The following ARL8B variants were observed in gnomAD, a reference collection of about 807,000 sequenced individuals.
ARL8B encodes ARF like GTPase 8B, also known as ADP-ribosylation factor-like protein 8B.
In ARL8B, 9 loss-of-function variants were observed where a neutral mutation model predicts 30.6. The ratio of observed to expected loss-of-function variants is 0.29; its 90% CI spans 0.18 to 0.51. ARL8B has a LOEUF of 0.51. Ranked by LOEUF, ARL8B falls within the 20% of genes least tolerant of loss-of-function variation. The pLI is 0.97. For missense variants in ARL8B, 130 were observed against 227.2 expected (o/e 0.57, Z 2.75); for synonymous variants, 74 against 76.0 (o/e 0.97, Z 0.14).
chr3:5,147,917 G>A (rs2054443143), intron 1 of ARL8B, among the ~76,000 whole-genome samples: 1 of 149,750 alleles, frequency 6.7e-6, no homozygotes, highest in Admixed American at 6.7e-5. Flanking sequence ...AAGACATTTT[G>A]TGTCCTAGGA....
At chr3:5,129,441 T>C (rs1239173580) in intron 1 of ARL8B, among the ~76,000 whole-genome samples, 1 of 152,216 alleles carries the variant, frequency 6.6e-6, no homozygotes, top group Non-Finnish European at 1.5e-5. Flanking sequence ...AGTAGAACGG[T>C]ATTTTAAAAT....
At chr3:5,163,005 T>TTTTTTTTTA (rs2054595124) in intron 1 of ARL8B, among the ~76,000 whole-genome samples, 1 of 150,522 alleles carries the variant, frequency 6.6e-6, no homozygotes, top group African/African-American at 2.5e-5. Context: ...TTTTTTTTTT[T>TTTTTTTTTA]GAGACGGAGT....
intron 1 of ARL8B, among the ~76,000 whole-genome samples, chr3:5,167,589 A>T (rs1383588044): frequency 1.3e-5 from 2 of 152,192 alleles, no homozygotes; most frequent in East Asian, 1.9e-4. Flanking sequence ...AATTATCCAG[A>T]TCTTAAGAAC....
intron 1 of ARL8B, among the ~76,000 whole-genome samples, chr3:5,126,283 G>T (rs1465375751): frequency 1.3e-5 from 2 of 152,124 alleles, no homozygotes; most frequent in African/African-American, 4.8e-5. Flanking sequence ...TAAAAAATCA[G>T]CTGCACTTTT....
intron 4 of ARL8B, 134 bp from the exon 5 acceptor site, chr3:5,173,883 C>G (rs934129587): frequency 1.4e-6 from 1 of 734,220 alleles, no homozygotes; most frequent in Non-Finnish European, 2.4e-6. Flanking sequence ...GACAAGCCAC[C>G]AGTTACACAA....
intron 1 of ARL8B, among the ~76,000 whole-genome samples, chr3:5,125,560 TCCCGCTGTGTTG>T (rs2054223326): frequency 1.4e-5 from 2 of 143,276 alleles, no homozygotes; most frequent in Non-Finnish European, 1.5e-5. Flanking sequence ...TGAGACGGAG[TCCCGCTGTGTTG>T]CCCAGGCTGG....
intron 1 of ARL8B, among the ~76,000 whole-genome samples, chr3:5,163,759 A>G (rs561567551): frequency 5.4e-4 from 82 of 152,134 alleles, no homozygotes; most frequent in Non-Finnish European, 9.9e-4. Flanking sequence ...AATCCCAGCT[A>G]CTCGGGAGGC....
intron 1 of ARL8B, among the ~76,000 whole-genome samples, chr3:5,143,647 C>T (rs183647406): frequency 1.1e-4 from 17 of 152,358 alleles, no homozygotes; most frequent in African/African-American, 4.1e-4. Flanking sequence ...AGGAGCACTT[C>T]ATAGGGACCT....
intron 1 of ARL8B, among the ~76,000 whole-genome samples, chr3:5,125,828 C>A (rs2106550808): frequency 6.6e-6 from 1 of 152,180 alleles, no homozygotes; most frequent in African/African-American, 2.4e-5. Context: ...CCACTGTGCC[C>A]AGCCCACTGT....
rs1315162121 is a variant in ARL8B, at chr3:5,122,324, C to T, written c.-142C>T. 7 of 1,525,412 alleles carry T rather than the reference C, an allele frequency of 4.6e-6. No homozygotes were observed. The highest frequency in any genetic ancestry group is 6.2e-6 in the Non-Finnish European group (7 of 1,137,522). 94.5% of individuals were successfully genotyped at this position (1,525,412 alleles called of 1,614,324 possible). A position where few individuals can be genotyped will look rare whatever the true frequency, so the allele number is the denominator to read the frequency against. On this transcript the variant is annotated 5_prime_UTR_variant, in exon 1 of 7. Coordinates refer to ENST00000256496, the MANE Select transcript of ARL8B (RefSeq NM_018184.3). ...CCGCTCGGCTTCCTGGGTCTGGCTG[C>T]TGCCGCCCGCCGGTGTCCGCCCGTG...
intron 1 of ARL8B, among the ~76,000 whole-genome samples, chr3:5,156,129 C>A (rs2054531243): frequency 6.6e-6 from 1 of 152,146 alleles, no homozygotes; most frequent in Admixed American, 6.5e-5. Flanking sequence ...TCTCAAACTG[C>A]TGACCTCAAG....
chr3:5,124,454 T>C (rs1346751856), intron 1 of ARL8B, among the ~76,000 whole-genome samples: 2 of 151,582 alleles, frequency 1.3e-5, no homozygotes, highest in East Asian at 1.9e-4. Flanking sequence ...GTTACATATT[T>C]ATATTAGAAT....
chr3:5,139,030 A>C (rs1179511744), intron 1 of ARL8B, among the ~76,000 whole-genome samples: 2 of 152,248 alleles, frequency 1.3e-5, no homozygotes, highest in Admixed American at 1.3e-4. Flanking sequence ...CAGACAGCTA[A>C]AAGATTCCAT....
At chr3:5,133,563 A>G (rs2054301336) in intron 1 of ARL8B, among the ~76,000 whole-genome samples, 1 of 152,216 alleles carries the variant, frequency 6.6e-6, no homozygotes, top group African/African-American at 2.4e-5. Context: ...TTGTACCATC[A>G]GCAAACAGCA....
intron 1 of ARL8B, among the ~76,000 whole-genome samples, chr3:5,149,773 T>C (rs1169404486): frequency 2.0e-5 from 3 of 152,196 alleles, no homozygotes; most frequent in Non-Finnish European, 4.4e-5. Context: ...TGCCAGTCCT[T>C]AGGTTTATTA....
intron 1 of ARL8B, among the ~76,000 whole-genome samples, chr3:5,162,771 AT>A (rs960952057): frequency 6.6e-6 from 1 of 152,084 alleles, no homozygotes; most frequent in Admixed American, 6.5e-5. Context: ...TGAATCTTTT[AT>A]TTTTACTATG....
intron 1 of ARL8B, among the ~76,000 whole-genome samples, chr3:5,129,571 T>C (rs1291975361): frequency 3.9e-5 from 6 of 152,148 alleles, no homozygotes; most frequent in African/African-American, 1.4e-4. Flanking sequence ...GACAAGTTCT[T>C]GCTCTGTTGC....
chr3:5,158,632 A>G (rs1356945538), intron 1 of ARL8B, among the ~76,000 whole-genome samples: 1 of 152,222 alleles, frequency 6.6e-6, no homozygotes, highest in Non-Finnish European at 1.5e-5. Context: ...TATAACCACC[A>G]GAATAACACT....
intron 1 of ARL8B, among the ~76,000 whole-genome samples, chr3:5,153,566 T>C (rs1033112493): frequency 1.4e-4 from 22 of 152,092 alleles, no homozygotes; most frequent in African/African-American, 5.1e-4. Context: ...AGCGTGAAAA[T>C]GGACTAATAC....
Sources: gnomAD v4.1 joint callset for allele counts (sites outside exome capture counted in the v4.1 genomes callset) on GRCh38, gnomAD v4.1.1 for gene constraint, MANE v1.5 for transcripts, NCBI Gene and HGNC (gene_info 2026-07-23, HGNC 2026-07-21) for gene names.